OSGEP: variants seen among roughly 807,000 people sequenced by gnomAD.
OSGEP encodes the protein O-sialoglycoprotein endopeptidase, also known as tRNA N6-adenosine threonylcarbamoyltransferase.
In OSGEP, 39 loss-of-function variants were observed where a neutral mutation model predicts 44.1. The ratio of observed to expected loss-of-function variants is 0.88; its 90% CI spans 0.69 to 1.16. The LOEUF (loss-of-function observed/expected upper bound fraction) is 1.16. Among genes scored for constraint, OSGEP ranks in the 50% most tolerant of loss-of-function variants. The pLI is 0.00. For synonymous variants in OSGEP, 139 were observed against 161.9 expected (o/e 0.86, Z 1.07); for missense variants, 403 against 443.1 (o/e 0.91, Z 0.81).
chr14:20,450,047 T>TTG (rs201403069), intron 3 of OSGEP: 973 of 92,790 alleles, frequency 0.01, 8 homozygotes, highest in Non-Finnish European at 0.016. Flanking sequence ...TTTCTTTTCT[T>TTG]TTTTTTTTTT....
At chr14:20,452,189 GA>G (rs760892017) in intron 2 of OSGEP, 40 bp from the exon 3 acceptor site, 9 of 1,537,470 alleles carry the variant, frequency 5.9e-6, no homozygotes, top group Non-Finnish European at 7.9e-6. Flanking sequence ...CTAGAGATTG[GA>G]AAAAAACAAT....
Position 20,448,500 on chromosome 14 carries a change from T to G in OSGEP, c.636+233A>C, listed in dbSNP as rs183194363. The stretch of plus-strand genomic sequence containing the variant: ...CCCCCCATTTAGAATCTAAGCTCCA[T>G]GTAGACAGGGATTTTTGTTTTGCTC... On this transcript the variant is annotated intron_variant, in intron 6 of 10. Transcript: ENST00000206542. Among the ~76,000 whole-genome samples the G allele has an allele frequency of 7.2e-5, 11 of 152,178 alleles. No individual in the cohort carries two copies. In the East Asian group the frequency reaches 1.7e-3, roughly 24 times the overall value.
intron 1 of OSGEP, among the ~76,000 whole-genome samples, chr14:20,452,703 G>A (rs1272788724): frequency 1.4e-5 from 2 of 140,308 alleles, no homozygotes; most frequent in Non-Finnish European, 3.1e-5. Context: ...ATACCCTTTC[G>A]TGATCTTTTT....
chr14:20,452,231 T>A (rs1043520451), intron 2 of OSGEP, 82 bp from the exon 3 acceptor site: 1 of 1,581,300 alleles, frequency 6.3e-7, no homozygotes, highest in African/African-American at 1.3e-5. Flanking sequence ...TGAGGTGGGG[T>A]AGGGGTAGTG....
chr14:20,450,439 A>T (rs3120071), intron 3 of OSGEP: 2 of 151,970 alleles, frequency 1.3e-5, no homozygotes, highest in African/African-American at 2.4e-5. Flanking sequence ...TGCTTCTGCT[A>T]TCCACTCCTC....
Position 20,448,051 on chromosome 14 carries a change from C to G in OSGEP, c.702+55G>C, listed in dbSNP as rs73587075. ...AGGGGCATCCCAGATTAGTTCTGCT[C>G]TACAATATAAAACCTTCAGCCCCAA... On this transcript the variant is annotated intron_variant, in intron 7 of 10. Coordinates refer to ENST00000206542, the MANE Select transcript of OSGEP (RefSeq NM_017807.4). 1.9e-3 allele frequency: 2,993 copies of G among 1,589,464 alleles called. 53 individuals are homozygous for G. In the African/African-American group the frequency reaches 0.035, roughly 19 times the overall value.
chr14:20,447,382 G>T (rs774674058), intron 10 of OSGEP, 40 bp downstream of exon 10: 2 of 1,602,890 alleles, frequency 1.2e-6, no homozygotes, highest in Admixed American at 3.3e-5. Flanking sequence ...TTTTGTCTAT[G>T]TCCCAATAAT....
At position 20,453,765 on chromosome 14, in the gene OSGEP, TA is replaced by T. The variant is rs756353804; in HGVS notation, c.115+803del. The stretch of plus-strand genomic sequence containing the variant: ...AGGCCCGAGCGGTGGCTCATGCCTG[TA>T]ATTTCCACACTTTGGGAGGCTGGGG... On this transcript the variant is annotated intron_variant, in intron 1 of 10. Transcript: ENST00000206542. 4.0e-4 allele frequency among the ~76,000 whole-genome samples: 61 copies of T among 152,266 alleles called. No individual in the cohort carries two copies. The Middle Eastern group carries it at 0.014, about 34-fold the overall frequency.
intron 1 of OSGEP, 95 bp from the exon 2 acceptor site, chr14:20,452,543 T>G: frequency 4.2e-6 from 5 of 1,199,748 alleles, no homozygotes; most frequent in Non-Finnish European, 6.0e-6. Flanking sequence ...AGTGATGTAG[T>G]AAGAGTCCTT....
intron 3 of OSGEP, 197 bp from the exon 4 acceptor site, chr14:20,449,463 C>T (rs1594407510): frequency 3.5e-6 from 2 of 564,892 alleles, no homozygotes; most frequent in East Asian, 6.1e-5. Flanking sequence ...CTGAGGATTC[C>T]AGGAACAGAT....
intron 3 of OSGEP, chr14:20,449,877 T>C (rs574387293): frequency 6.4e-6 from 1 of 155,232 alleles, no homozygotes; most frequent in South Asian, 2.0e-4. Flanking sequence ...TCTACCTGCC[T>C]CAGCCTCTCA....
chr14:20,451,855 T>G, intron 3 of OSGEP, 119 bp downstream of exon 3: 1 of 940,056 alleles, frequency 1.1e-6, no homozygotes, highest in Non-Finnish European at 1.5e-6. Context: ...GTCTACAGTA[T>G]TTTAGGTTCA....
intron 8 of OSGEP, 86 bp from the exon 9 acceptor site, chr14:20,447,776 A>C (rs2139289463): frequency 7.9e-7 from 1 of 1,264,412 alleles, no homozygotes; most frequent in Middle Eastern, 1.9e-4. Context: ...CTCACTTAGA[A>C]CAATGACATA....
chr14:20,450,709 C>A (rs1881074075), intron 3 of OSGEP: 1 of 152,194 alleles, frequency 6.6e-6, no homozygotes, highest in Non-Finnish European at 1.5e-5. Flanking sequence ...GGGGACAATG[C>A]TGAACTATTT....
intron 10 of OSGEP, 69 bp from the exon 11 acceptor site, chr14:20,447,348 T>A: frequency 6.2e-7 from 1 of 1,604,442 alleles, no homozygotes; most frequent in Non-Finnish European, 8.5e-7. Flanking sequence ...TCTGCCCTCA[T>A]GTTCCTGGAC....
At chr14:20,452,200 T>TA (rs1178047826) in intron 2 of OSGEP, 51 bp from the exon 3 acceptor site, 1 of 1,528,478 alleles carries the variant, frequency 6.5e-7, no homozygotes, top group South Asian at 1.2e-5. Context: ...AAAAAAACAA[T>TA]AGTGGGGGAC....
At chr14:20,452,266 C>T (rs942723462) in intron 2 of OSGEP, 63 bp downstream of exon 2, 2 of 1,602,716 alleles carry the variant, frequency 1.2e-6, no homozygotes, top group South Asian at 2.2e-5. Flanking sequence ...AAGGTGTTGG[C>T]TATTTTGACC....
intron 6 of OSGEP, 45 bp from the exon 7 acceptor site, chr14:20,448,216 T>G (rs755970023): frequency 1.3e-6 from 2 of 1,549,248 alleles, no homozygotes; most frequent in Non-Finnish European, 1.8e-6. Flanking sequence ...ATCATGGTTT[T>G]GGGATTACAC....
intron 2 of OSGEP, 82 bp from the exon 3 acceptor site, chr14:20,452,231 T>G: frequency 6.3e-7 from 1 of 1,581,418 alleles, no homozygotes; most frequent in Non-Finnish European, 8.6e-7. Context: ...TGAGGTGGGG[T>G]AGGGGTAGTG....
Sources: gnomAD v4.1 joint callset for allele counts (sites outside exome capture counted in the v4.1 genomes callset) on GRCh38, gnomAD v4.1.1 for gene constraint, MANE v1.5 for transcripts, NCBI Gene and HGNC (gene_info 2026-07-23, HGNC 2026-07-21) for gene names.